Variants in TTC27 observed in about 807,000 individuals in gnomAD.
TTC27 encodes tetratricopeptide repeat protein 27.
A neutral mutation model predicts 115.9 loss-of-function variants in TTC27; 79 were observed. That is an observed-to-expected ratio of 0.68 (90% CI 0.57 to 0.82). The LOEUF (loss-of-function observed/expected upper bound fraction) is 0.82, where lower values mean the gene tolerates loss of function less well. TTC27 is among the 40% of genes least tolerant of loss of function. The probability of loss-of-function intolerance (pLI) is 0.00; values close to 1 mark genes in which losing one functional copy is unlikely to be tolerated. For missense variants in TTC27, 1,054 were observed against 993.1 expected, an observed-to-expected ratio of 1.06 and a Z score of -0.82; for synonymous variants, 401 against 356.0, an observed-to-expected ratio of 1.13 and a Z score of -1.42.
chr2:32,667,458 C>A (rs1665825865), intron 7 of TTC27, among the ~76,000 whole-genome samples: 1 of 148,556 alleles, frequency 6.7e-6, no homozygotes. Flanking sequence ...ACTCTATTGC[C>A]CAGGCTGGAG....
intron 16 of TTC27, among the ~76,000 whole-genome samples, chr2:32,796,020 A>G (rs1472086503): frequency 6.6e-6 from 1 of 152,194 alleles, no homozygotes; most frequent in African/African-American, 2.4e-5. Flanking sequence ...AAATAAAATT[A>G]TCTGTTTGCA....
At chr2:32,666,355 G>T (rs1382433859) in intron 6 of TTC27, among the ~76,000 whole-genome samples, 7 of 143,846 alleles carry the variant, frequency 4.9e-5, no homozygotes, top group African/African-American at 1.6e-4. Flanking sequence ...CACTCAATGT[G>T]TTACTTTTTT....
At chr2:32,745,268 C>T (rs1057447706) in intron 12 of TTC27, among the ~76,000 whole-genome samples, 1 of 152,120 alleles carries the variant, frequency 6.6e-6, no homozygotes, top group Non-Finnish European at 1.5e-5. Context: ...CATGAGAGCT[C>T]TTCCAGGGGC....
At chr2:32,804,128 CAT>C (rs1470582144) in intron 16 of TTC27, among the ~76,000 whole-genome samples, 1 of 151,508 alleles carries the variant, frequency 6.6e-6, no homozygotes, top group African/African-American at 2.4e-5. Flanking sequence ...ATGAAAGAAA[CAT>C]AGTTCAGAAT....
intron 9 of TTC27, among the ~76,000 whole-genome samples, chr2:32,688,438 A>C (rs928802399): frequency 1.3e-5 from 2 of 152,178 alleles, no homozygotes; most frequent in South Asian, 4.1e-4. Context: ...CTTTATTAAC[A>C]TTAAAACCTT....
At chr2:32,782,243 G>T (rs1037832215) in intron 14 of TTC27, among the ~76,000 whole-genome samples, 4 of 152,126 alleles carry the variant, frequency 2.6e-5, no homozygotes, top group African/African-American at 9.7e-5. Context: ...ATCCGGTGAA[G>T]AAGGATGACA....
intron 10 of TTC27, among the ~76,000 whole-genome samples, chr2:32,728,747 A>G (rs1668196082): frequency 6.6e-6 from 1 of 152,180 alleles, no homozygotes; most frequent in African/African-American, 2.4e-5. Context: ...TCTATGTATG[A>G]GGAAAGACTG....
intron 8 of TTC27, among the ~76,000 whole-genome samples, chr2:32,673,479 G>T (rs918707319): frequency 2.6e-5 from 4 of 151,834 alleles, no homozygotes; most frequent in Non-Finnish European, 5.9e-5. Flanking sequence ...CGCCCGCCTC[G>T]GCCTCCCAGA....
chr2:32,680,269 G>A (rs1360995378), intron 9 of TTC27, among the ~76,000 whole-genome samples: 4 of 152,012 alleles, frequency 2.6e-5, no homozygotes, highest in African/African-American at 9.7e-5. Flanking sequence ...AAATTTTAAA[G>A]GGCATATAAA....
intron 10 of TTC27, among the ~76,000 whole-genome samples, chr2:32,722,582 G>C (rs1667965463): frequency 6.6e-6 from 1 of 152,152 alleles, no homozygotes; most frequent in Admixed American, 6.6e-5. Context: ...GTTCACCCCA[G>C]GTCCACCTGA....
chr2:32,717,936 A>G lies in TTC27; in HGVS notation c.1233+15016A>G, dbSNP rs1243323223. ...TATTATACCTGCTTATACCTTGGAC[A>G]AGCTACTGAACCTCTCTATGCCTCA... On this transcript the variant is annotated intron_variant, in intron 10 of 19. Coordinates refer to ENST00000317907, the MANE Select transcript of TTC27 (RefSeq NM_017735.5). 2.6e-5 allele frequency among the ~76,000 whole-genome samples: 4 copies of G among 152,214 alleles called. No homozygotes were observed. In the South Asian group the frequency reaches 8.3e-4, roughly 32 times the overall value.
intron 9 of TTC27, among the ~76,000 whole-genome samples, chr2:32,682,130 A>G (rs1020096286): frequency 1.3e-5 from 2 of 151,856 alleles, no homozygotes; most frequent in African/African-American, 4.8e-5. Context: ...TGCTTTACTC[A>G]TAGTTGTTGT....
At chr2:32,656,372 T>C (rs536917167) in intron 5 of TTC27, among the ~76,000 whole-genome samples, 1 of 152,286 alleles carries the variant, frequency 6.6e-6, no homozygotes, top group African/African-American at 2.4e-5. Context: ...ATACTTGCAC[T>C]GAATCTTAAA....
intron 13 of TTC27, among the ~76,000 whole-genome samples, chr2:32,765,321 T>A (rs1203188220): frequency 6.6e-6 from 1 of 151,884 alleles, no homozygotes; most frequent in African/African-American, 2.4e-5. Flanking sequence ...TGTGACGAGG[T>A]GCTATGTCAA....
intron 9 of TTC27, among the ~76,000 whole-genome samples, chr2:32,696,266 GTTTATTTTAT>G (rs144957414): frequency 0.3 from 45,610 of 150,314 alleles, 7,493 homozygotes; most frequent in Non-Finnish European, 0.37. Flanking sequence ...CCACATTTTT[GTTTATTTTAT>G]TTTATTTTAT....
At chr2:32,632,696 A>G (rs921701048) in intron 2 of TTC27, among the ~76,000 whole-genome samples, 1 of 150,456 alleles carries the variant, frequency 6.6e-6, no homozygotes, top group African/African-American at 2.5e-5. Context: ...TTTCTGAAAG[A>G]CTCTTCCTTT....
intron 8 of TTC27, among the ~76,000 whole-genome samples, chr2:32,674,063 A>C (rs1346644306): frequency 1.3e-5 from 2 of 152,236 alleles, no homozygotes; most frequent in African/African-American, 4.8e-5. Flanking sequence ...ATTAATATTC[A>C]AAATAGAATC....
intron 18 of TTC27, among the ~76,000 whole-genome samples, chr2:32,813,888 G>A (rs1027656766): frequency 9.2e-5 from 14 of 152,182 alleles, no homozygotes; most frequent in African/African-American, 3.4e-4. Context: ...TAGAAAAGTT[G>A]GGGGTAATTG....
intron 3 of TTC27, 134 bp downstream of exon 3, chr2:32,634,139 T>A (rs915932856): frequency 2.7e-5 from 28 of 1,040,624 alleles, no homozygotes; most frequent in Non-Finnish European, 3.6e-5. Context: ...TAAGAATGCT[T>A]GTTCATTGAT....
Sources: gnomAD v4.1 joint callset for allele counts (sites outside exome capture counted in the v4.1 genomes callset) on GRCh38, gnomAD v4.1.1 for gene constraint, MANE v1.5 for transcripts, NCBI Gene and HGNC (gene_info 2026-07-23, HGNC 2026-07-21) for gene names.